Variants in ZNF804B observed in about 807,000 individuals in gnomAD.
ZNF804B encodes the protein zinc finger protein 804B.
Under a neutral mutation model 101.4 loss-of-function variants are expected in ZNF804B, and 80 were observed. The ratio of observed to expected loss-of-function variants is 0.79; its 90% CI spans 0.66 to 0.95. The LOEUF is 0.95. Ranked by LOEUF, ZNF804B falls within the 40% of genes least tolerant of loss-of-function variation. ZNF804B has a pLI of 0.00. For synonymous variants in ZNF804B, 622 were observed against 558.8 expected (o/e 1.11, Z -1.59); for missense variants, 1,673 against 1,561.9 (o/e 1.07, Z -1.20).
chr7:89,051,441 A>G (rs749022630), intron 1 of ZNF804B, among the ~76,000 whole-genome samples: 8 of 152,166 alleles, frequency 5.3e-5, no homozygotes, highest in Non-Finnish European at 1.2e-4. Context: ...ATTTCTCCAC[A>G]TGTTATCAAG....
intron 2 of ZNF804B, among the ~76,000 whole-genome samples, chr7:89,246,552 G>T (rs1302728673): frequency 6.6e-6 from 1 of 151,248 alleles, no homozygotes; most frequent in African/African-American, 2.4e-5. Flanking sequence ...AGAGATCCTG[G>T]TGTAAGGAGC....
intron 1 of ZNF804B, among the ~76,000 whole-genome samples, chr7:88,949,029 C>T (rs1025484473): frequency 2.0e-5 from 3 of 151,010 alleles, no homozygotes; most frequent in Non-Finnish European, 3.0e-5. Context: ...GTTGAGAAAG[C>T]GTTGGTGTGT....
chr7:89,281,480 A>G (rs956124270), intron 2 of ZNF804B, among the ~76,000 whole-genome samples: 7 of 152,224 alleles, frequency 4.6e-5, no homozygotes, highest in African/African-American at 1.7e-4. Flanking sequence ...GTAAAAATTC[A>G]TAAAATTAGG....
intron 1 of ZNF804B, among the ~76,000 whole-genome samples, chr7:89,099,412 A>T (rs974778978): frequency 6.6e-6 from 1 of 152,208 alleles, no homozygotes; most frequent in South Asian, 2.1e-4. Flanking sequence ...GTTTGGGTAC[A>T]TGGTTTAAAA....
chr7:89,091,453 G>A (rs908362667), intron 1 of ZNF804B, among the ~76,000 whole-genome samples: 4 of 151,920 alleles, frequency 2.6e-5, no homozygotes, highest in Non-Finnish European at 2.9e-5. Flanking sequence ...TCAGAGCTTT[G>A]AATGAATACT....
intron 1 of ZNF804B, among the ~76,000 whole-genome samples, chr7:89,031,019 G>C (rs959412442): frequency 2.0e-5 from 3 of 151,692 alleles, no homozygotes; most frequent in Admixed American, 6.6e-5. Context: ...GGGGCCTTTT[G>C]GGGGCTGGGG....
chr7:88,790,173 T>C (rs1790357064), intron 1 of ZNF804B, among the ~76,000 whole-genome samples: 1 of 152,130 alleles, frequency 6.6e-6, no homozygotes, highest in South Asian at 2.1e-4. Flanking sequence ...TTAAATATTA[T>C]ATGTTCACAC....
In ZNF804B at chr7:88,809,307, CTATCT is replaced by C. The variant is rs1790741056; in HGVS notation, c.108+49224_108+49228del. Among the ~76,000 whole-genome samples the C allele has an allele frequency of 0.011, 5 of 466 alleles. No homozygotes were observed. In the South Asian group the frequency reaches 0.23, roughly 21 times the overall value. The allele number at this position is 466 out of a possible 152,430, so 0.3% of individuals were successfully genotyped here. Reference sequence around the variant, plus strand: ...TACAGAATCTATTATTGCTTGTCATCTATCTATCTATCTATCTATCTATCTATCTA... The same window carrying C: ...TACAGAATCTATTATTGCTTGTCATCATCTATCTATCTATCTATCTATCTA... On this transcript the variant is annotated intron_variant, in intron 1 of 3. Transcript: ENST00000333190.
At chr7:88,884,237 A>G (rs899037065) in intron 1 of ZNF804B, among the ~76,000 whole-genome samples, 3 of 151,826 alleles carry the variant, frequency 2.0e-5, no homozygotes, top group Admixed American at 6.6e-5. Context: ...TTACACAAAA[A>G]TAATTTATAG....
chr7:89,016,181 GTTGT>G (rs1482570878), intron 1 of ZNF804B, among the ~76,000 whole-genome samples: 1 of 151,980 alleles, frequency 6.6e-6, no homozygotes, highest in Non-Finnish European at 1.5e-5. Flanking sequence ...TTTTGATGGG[GTTGT>G]TTGTTTTTTT....
intron 2 of ZNF804B, among the ~76,000 whole-genome samples, chr7:89,222,586 C>T (rs1309529744): frequency 6.6e-6 from 1 of 151,950 alleles, no homozygotes; most frequent in Non-Finnish European, 1.5e-5. Context: ...TTCTGCAAAT[C>T]CAGAATTTCC....
chr7:88,948,841 T>A (rs973931278), intron 1 of ZNF804B, among the ~76,000 whole-genome samples: 7 of 151,950 alleles, frequency 4.6e-5, no homozygotes, highest in African/African-American at 7.2e-5. Context: ...AATTTATATT[T>A]TAGGTTTGTG....
At chr7:88,778,581 T>TC (rs200598108) in intron 1 of ZNF804B, among the ~76,000 whole-genome samples, 1,853 of 152,278 alleles carry the variant, frequency 0.012, 19 homozygotes, top group South Asian at 0.027. Flanking sequence ...CAAATATTCT[T>TC]CCCCCTTGGT....
chr7:88,833,147 T>A (rs1378218876), intron 1 of ZNF804B, among the ~76,000 whole-genome samples: 2 of 136,228 alleles, frequency 1.5e-5, no homozygotes, highest in African/African-American at 5.6e-5. Context: ...TCCTTTCTGC[T>A]TTTTTTTTTT....
At chr7:89,125,677 C>A (rs1289108086) in intron 1 of ZNF804B, among the ~76,000 whole-genome samples, 1 of 151,954 alleles carries the variant, frequency 6.6e-6, no homozygotes, top group Non-Finnish European at 1.5e-5. Context: ...GTAATGGGTG[C>A]TACTTCTTCC....
chr7:89,320,069 G>A (rs1057480620), intron 2 of ZNF804B, among the ~76,000 whole-genome samples: 1 of 151,792 alleles, frequency 6.6e-6, no homozygotes, highest in Non-Finnish European at 1.5e-5. Context: ...GCTAGGGGAG[G>A]GATAGCATTA....
intron 1 of ZNF804B, among the ~76,000 whole-genome samples, chr7:89,063,966 A>C (rs1003801929): frequency 3.7e-4 from 56 of 152,282 alleles, no homozygotes; most frequent in Admixed American, 3.7e-3. Context: ...CTATCAACTA[A>C]GATTTATTGG....
intron 1 of ZNF804B, among the ~76,000 whole-genome samples, chr7:89,082,166 C>G (rs1583975702): frequency 6.6e-6 from 1 of 151,616 alleles, no homozygotes; most frequent in East Asian, 1.9e-4. Flanking sequence ...TTAATAAATG[C>G]CAACTAATAA....
intron 1 of ZNF804B, among the ~76,000 whole-genome samples, chr7:88,915,025 C>T (rs1792612276): frequency 6.6e-6 from 1 of 151,980 alleles, no homozygotes; most frequent in African/African-American, 2.4e-5. Context: ...TATCTCTTCC[C>T]ACCCTTTTTT....
Sources: allele counts gnomAD v4.1 joint callset (sites outside exome capture counted in the v4.1 genomes callset), GRCh38; gene constraint gnomAD v4.1.1; transcripts MANE v1.5; gene names NCBI Gene and HGNC (gene_info 2026-07-23, HGNC 2026-07-21).